The following DYM variants were observed in gnomAD, a reference collection of about 807,000 sequenced individuals.
DYM encodes dymeclin, also known as dyggve-Melchior-Clausen syndrome protein.
Under a neutral mutation model 93.1 loss-of-function variants are expected in DYM, and 78 were observed. The ratio of observed to expected loss-of-function variants is 0.84; its 90% CI spans 0.70 to 1.01. The LOEUF (loss-of-function observed/expected upper bound fraction) is 1.01, where lower values mean the gene tolerates loss of function less well. DYM is among the 50% of genes least tolerant of loss of function. DYM has a pLI of 0.00. For missense variants in DYM, 789 were observed against 845.0 expected (o/e 0.93, Z 0.82); for synonymous variants, 321 against 319.7 (o/e 1.00, Z -0.04).
At chr18:49,048,337 A>AG (rs1488706270) in intron 17 of DYM, 3 of 152,220 alleles carry the variant, frequency 2.0e-5, no homozygotes, top group African/African-American at 7.2e-5. Context: ...GGGAGAAGAG[A>AG]GGGGCTAGGT....
In DYM at chr18:49,338,298, C is replaced by G. The variant is rs77516368; in HGVS notation, c.495-4445G>C. ...TGAAGAAAAACATTTAAAAAGGACA[C>G]AGTGGATGATCTGAACAGAATGACA... On this transcript the variant is annotated intron_variant, in intron 6 of 17. Transcript: ENST00000675505. Among the ~76,000 whole-genome samples the G allele has an allele frequency of 8.5e-5, 13 of 152,296 alleles. No homozygotes were observed. In the East Asian group the frequency reaches 1.5e-3, roughly 18 times the overall value.
chr18:49,107,416 A>G (rs2080947811), intron 16 of DYM, among the ~76,000 whole-genome samples: 1 of 152,184 alleles, frequency 6.6e-6, no homozygotes, highest in African/African-American at 2.4e-5. Flanking sequence ...CTTCAAAGTC[A>G]TTCTCCGTCC....
At chr18:49,116,616 T>C (rs1195649082) in intron 16 of DYM, 1 of 152,220 alleles carries the variant, frequency 6.6e-6, no homozygotes. Flanking sequence ...GAGTTCCAGA[T>C]AGTTTCTTTG....
chr18:49,210,590 CA>C (rs2092733134), intron 13 of DYM, among the ~76,000 whole-genome samples: 1 of 152,090 alleles, frequency 6.6e-6, no homozygotes, highest in African/African-American at 2.4e-5. Context: ...ATTTTTAGGA[CA>C]GTGAAGCTAC....
chr18:49,332,169 G>A (rs1355427794), intron 7 of DYM, among the ~76,000 whole-genome samples, 163 bp from the exon 8 acceptor site: 1 of 152,186 alleles, frequency 6.6e-6, no homozygotes, highest in East Asian at 1.9e-4. Flanking sequence ...TGAAGACCAT[G>A]GGCTTTGAGA....
chr18:49,377,007 G>A (rs1423883146), intron 5 of DYM, among the ~76,000 whole-genome samples: 1 of 152,158 alleles, frequency 6.6e-6, no homozygotes, highest in Non-Finnish European at 1.5e-5. Flanking sequence ...CTACCATCAG[G>A]TAATGGGGTC....
chr18:49,050,351 A>C (rs2072257425), intron 17 of DYM, among the ~76,000 whole-genome samples: 1 of 151,840 alleles, frequency 6.6e-6, no homozygotes, highest in Non-Finnish European at 1.5e-5. Context: ...TCGGCCTCCC[A>C]AAGTGCTAGG....
chr18:49,269,285 G>C (rs2094630226), intron 11 of DYM, among the ~76,000 whole-genome samples: 1 of 152,090 alleles, frequency 6.6e-6, no homozygotes, highest in Non-Finnish European at 1.5e-5. Context: ...AGTGTGGATA[G>C]TCATTATGAA....
rs1600194326 is a variant in DYM, at chr18:49,430,529, C to T, written c.-53-82G>A. 11 of 1,053,730 alleles carry T rather than the reference C, an allele frequency of 1.0e-5. No homozygotes were observed. The East Asian group carries it at 2.9e-4, about 27-fold the overall frequency. The allele number at this position is 1,053,730 out of a possible 1,614,324, so 65.3% of individuals were successfully genotyped here. ...TACCTATAAAAAAACTATAAACTTA[C>T]TAAAGAAAATCACACATTTCTGTAT... is the stretch of plus-strand genomic sequence containing the variant. On this transcript the variant is annotated intron_variant, in intron 1 of 17. Coordinates refer to ENST00000675505, the MANE Select transcript of DYM (RefSeq NM_001353214.3).
At chr18:49,457,397 T>C (rs946023418) in intron 1 of DYM, among the ~76,000 whole-genome samples, 6 of 152,154 alleles carry the variant, frequency 3.9e-5, no homozygotes, top group African/African-American at 1.4e-4. Context: ...CAAAACGAAA[T>C]ATAGAAAAAC....
intron 3 of DYM, among the ~76,000 whole-genome samples, chr18:49,385,508 T>C (rs920974685): frequency 6.6e-6 from 1 of 152,094 alleles, no homozygotes. Context: ...CCAGTCTCAC[T>C]GACATGGTGA....
At chr18:49,323,203 A>G (rs903923265) in intron 8 of DYM, among the ~76,000 whole-genome samples, 5 of 152,216 alleles carry the variant, frequency 3.3e-5, no homozygotes, top group Non-Finnish European at 7.3e-5. Context: ...AAAACAAAAC[A>G]TAACAAAAAA....
chr18:49,326,893 C>T (rs1405048258), intron 8 of DYM, among the ~76,000 whole-genome samples: 1 of 151,892 alleles, frequency 6.6e-6, no homozygotes, highest in Non-Finnish European at 1.5e-5. Flanking sequence ...ACTGTGGTAG[C>T]ATAAGCGATA....
chr18:49,292,592 G>GAAAAA (rs72415237), intron 8 of DYM, among the ~76,000 whole-genome samples: 30 of 78,782 alleles, frequency 3.8e-4, no homozygotes, highest in Admixed American at 6.8e-4. Flanking sequence ...TTTCCTGTTG[G>GAAAAA]AAAAAAAAAA....
At chr18:49,441,015 T>TAAA (rs1555751357) in intron 1 of DYM, among the ~76,000 whole-genome samples, 2 of 2,228 alleles carry the variant, frequency 9.0e-4, no homozygotes, top group Non-Finnish European at 1.7e-3. Flanking sequence ...ATATTATATA[T>TAAA]TATATATATT....
At chr18:49,090,117 C>T (rs932407781) in intron 17 of DYM, among the ~76,000 whole-genome samples, 5 of 152,142 alleles carry the variant, frequency 3.3e-5, no homozygotes, top group Admixed American at 2.0e-4. Flanking sequence ...TAGCAGTTTC[C>T]GGATCCATTT....
At chr18:49,049,682 G>A (rs2072130970) in intron 17 of DYM, 1 of 154,306 alleles carries the variant, frequency 6.5e-6, no homozygotes. Context: ...CTCTTATAAT[G>A]TTCTGTAATC....
At chr18:49,179,312 A>ACCCCCCCACCAC (rs2089693151) in intron 14 of DYM, among the ~76,000 whole-genome samples, 1 of 152,132 alleles carries the variant, frequency 6.6e-6, no homozygotes, top group Admixed American at 6.6e-5. Flanking sequence ...TGATAAGGAG[A>ACCCCCCCACCAC]TTTGACCAAT....
intron 13 of DYM, among the ~76,000 whole-genome samples, chr18:49,234,477 T>C (rs946901494): frequency 6.6e-6 from 1 of 152,034 alleles, no homozygotes; most frequent in Admixed American, 6.5e-5. Flanking sequence ...TCACCCAGTG[T>C]CTCACTTCAC....
Sources: allele counts gnomAD v4.1 joint callset (sites outside exome capture counted in the v4.1 genomes callset), GRCh38; gene constraint gnomAD v4.1.1; transcripts MANE v1.5; gene names NCBI Gene and HGNC (gene_info 2026-07-23, HGNC 2026-07-21).